Variants in EPHA3 observed in about 807,000 individuals in gnomAD.
The protein encoded by EPHA3 is EPH receptor A3, also known as ephrin type-A receptor 3.
In EPHA3, 42 loss-of-function variants were observed where a neutral mutation model predicts 107.1. The observed-to-expected ratio is 0.39, with a 90% CI of 0.31 to 0.51. The LOEUF is 0.51. Among genes scored for constraint, EPHA3 ranks in the 20% least tolerant of loss-of-function variants. The pLI, the probability that EPHA3 is intolerant of heterozygous loss-of-function variation, is 0.78. For synonymous variants in EPHA3, 461 were observed against 424.8 expected, an observed-to-expected ratio of 1.09 and a Z score of -1.05; for missense variants, 1,183 against 1,211.2, an observed-to-expected ratio of 0.98 and a Z score of 0.35.
intron 12 of EPHA3, among the ~76,000 whole-genome samples, chr3:89,430,155 GT>G (rs778933166): frequency 3.9e-5 from 6 of 152,132 alleles, no homozygotes; most frequent in Non-Finnish European, 5.9e-5. Context: ...ATTTCATGAA[GT>G]TCAAGACAAT....
intron 3 of EPHA3, among the ~76,000 whole-genome samples, chr3:89,222,268 C>T (rs1704395328): frequency 6.7e-6 from 1 of 150,038 alleles, no homozygotes; most frequent in African/African-American, 2.4e-5. Flanking sequence ...GAATTTTGGA[C>T]CTGGCTAGCA....
intron 5 of EPHA3, among the ~76,000 whole-genome samples, chr3:89,393,430 G>A (rs1402722130): frequency 4.6e-5 from 7 of 152,158 alleles, no homozygotes; most frequent in Admixed American, 4.6e-4. Context: ...ATTGTTCTTT[G>A]AAATGAATTG....
At chr3:89,201,039 A>T (rs1394560149) in intron 2 of EPHA3, among the ~76,000 whole-genome samples, 1 of 152,192 alleles carries the variant, frequency 6.6e-6, no homozygotes, top group Non-Finnish European at 1.5e-5. Context: ...AGACTGGGTG[A>T]TTTAAAAAGA....
intron 3 of EPHA3, among the ~76,000 whole-genome samples, chr3:89,337,904 G>T (rs1298468721): frequency 6.6e-6 from 1 of 152,130 alleles, no homozygotes. Flanking sequence ...GGTGGTTCCT[G>T]GATCAAGTAC....
chr3:89,407,847 A>T (rs1438580464), intron 8 of EPHA3, among the ~76,000 whole-genome samples: 2 of 152,136 alleles, frequency 1.3e-5, no homozygotes, highest in East Asian at 3.9e-4. Flanking sequence ...GCACAGTGGG[A>T]AGCAACTCTG....
Position 89,419,251 on chromosome 3 carries a change from A to G in EPHA3, c.1935A>G (p.Lys645=), listed in dbSNP as rs143310803. ...VCSGRLKLPS[K]KEISVAIKTL... ...GTGGTCGCTTAAAACTTCCTTCAAAAAAAGAGATTTCAGTGGCCATTAAGA... is the reference window on the plus strand; with the variant it reads ...GTGGTCGCTTAAAACTTCCTTCAAAGAAAGAGATTTCAGTGGCCATTAAGA... Residue 645 remains lysine, a synonymous_variant, in exon 11 of 17, where the codon AAA becomes AAG. Transcript: ENST00000336596. 106 of 1,610,086 alleles carry G rather than the reference A, an allele frequency of 6.6e-5. No individual in the cohort carries two copies. The highest frequency in any genetic ancestry group is 8.0e-5 in the Non-Finnish European group (94 of 1,177,604).
At chr3:89,242,802 G>GT (rs1704935668) in intron 3 of EPHA3, among the ~76,000 whole-genome samples, 2 of 151,526 alleles carry the variant, frequency 1.3e-5, no homozygotes, top group Non-Finnish European at 2.9e-5. Context: ...TGTGCACAAC[G>GT]TGCAGGTTAG....
intron 3 of EPHA3, among the ~76,000 whole-genome samples, chr3:89,289,427 A>T (rs1232196568): frequency 6.6e-6 from 1 of 152,078 alleles, no homozygotes; most frequent in Non-Finnish European, 1.5e-5. Flanking sequence ...TTCTATGAAA[A>T]TGAAAAAAAA....
At chr3:89,214,903 T>C (rs1704188192) in intron 3 of EPHA3, among the ~76,000 whole-genome samples, 1 of 151,866 alleles carries the variant, frequency 6.6e-6, no homozygotes, top group African/African-American at 2.4e-5. Flanking sequence ...AATGCAAAAA[T>C]AAAATTAAAA....
intron 10 of EPHA3, among the ~76,000 whole-genome samples, chr3:89,418,307 C>A (rs1159619926): frequency 6.6e-6 from 1 of 151,346 alleles, no homozygotes; most frequent in African/African-American, 2.4e-5. Flanking sequence ...AAAGGACATT[C>A]TATAGAACTC....
chr3:89,176,981 T>TCACA (rs757911338), intron 2 of EPHA3, among the ~76,000 whole-genome samples: 1 of 150,458 alleles, frequency 6.6e-6, no homozygotes, highest in African/African-American at 2.4e-5. Flanking sequence ...GACACATATC[T>TCACA]CACACACACA....
At chr3:89,232,128 C>T (rs1464337953) in intron 3 of EPHA3, among the ~76,000 whole-genome samples, 4 of 151,950 alleles carry the variant, frequency 2.6e-5, no homozygotes, top group Non-Finnish European at 5.9e-5. Context: ...TTTGGGGTGT[C>T]GTGTTCTGAG....
Position 89,273,653 on chromosome 3 carries a change from T to C in EPHA3, c.814+63133T>C, listed in dbSNP as rs1281168319. ...ATTGAATTGCTGCTCCTAGGGGAAA[T>C]ACAAGTTTAGCTTCCTGAGGGCACC... On this transcript the variant is annotated intron_variant, in intron 3 of 16. Coordinates refer to ENST00000336596, the MANE Select transcript of EPHA3 (RefSeq NM_005233.6). Among the ~76,000 whole-genome samples the C allele has an allele frequency of 2.0e-5, 3 of 151,980 alleles. No homozygotes were observed. The East Asian group carries it at 5.8e-4, about 29-fold the overall frequency.
chr3:89,241,876 G>A (rs1704904085), intron 3 of EPHA3, among the ~76,000 whole-genome samples: 1 of 151,990 alleles, frequency 6.6e-6, no homozygotes, highest in African/African-American at 2.4e-5. Flanking sequence ...TCCAATGATA[G>A]TTTAACTTTA....
At chr3:89,469,716 A>G (rs1205209866) in intron 15 of EPHA3, among the ~76,000 whole-genome samples, 1 of 152,230 alleles carries the variant, frequency 6.6e-6, no homozygotes, top group African/African-American at 2.4e-5. Context: ...ACTCATATGT[A>G]AAACATTATA....
intron 2 of EPHA3, among the ~76,000 whole-genome samples, chr3:89,140,226 A>C (rs1704402981): frequency 6.6e-6 from 1 of 151,888 alleles, no homozygotes; most frequent in African/African-American, 2.4e-5. Context: ...AGTATTTTCA[A>C]ATGTTGCTAT....
At chr3:89,399,830 C>T (rs1206633993) in intron 7 of EPHA3, 3 of 1,090,644 alleles carry the variant, frequency 2.8e-6, no homozygotes, top group Non-Finnish European at 3.3e-6. Flanking sequence ...TTGCGTGATT[C>T]AATGAACCAC....
At chr3:89,191,136 C>A (rs578187347) in intron 2 of EPHA3, among the ~76,000 whole-genome samples, 2 of 152,188 alleles carry the variant, frequency 1.3e-5, no homozygotes, top group South Asian at 4.1e-4. Context: ...AGATATTATG[C>A]TAGCTTAGAA....
chr3:89,134,780 T>A (rs1253263839), intron 2 of EPHA3, among the ~76,000 whole-genome samples: 5 of 152,168 alleles, frequency 3.3e-5, no homozygotes, highest in Non-Finnish European at 7.3e-5. Context: ...CTGAGCCAAA[T>A]GGGTTGTTGG....
Sources: allele counts gnomAD v4.1 joint callset (sites outside exome capture counted in the v4.1 genomes callset), GRCh38; gene constraint gnomAD v4.1.1; transcripts MANE v1.5; gene names NCBI Gene and HGNC (gene_info 2026-07-23, HGNC 2026-07-21).